Variants in DYSF observed in about 807,000 individuals in gnomAD.
DYSF encodes the protein dysferlin.
A neutral mutation model predicts 274.9 loss-of-function variants in DYSF; 212 were observed. That is an observed-to-expected ratio of 0.77 (90% confidence interval 0.69 to 0.86). The LOEUF is 0.86. Among genes scored for constraint, DYSF ranks in the 40% least tolerant of loss-of-function variants. DYSF has a pLI of 0.00. For missense variants in DYSF, 2,666 were observed against 2,783.2 expected (o/e 0.96, Z 0.95); for synonymous variants, 1,091 against 1,078.7 (o/e 1.01, Z -0.22).
At chr2:71,641,178 A>ATTTTTTTTTTT (rs10683765) in intron 41 of DYSF, among the ~76,000 whole-genome samples, 14 of 124,508 alleles carry the variant, frequency 1.1e-4, no homozygotes, top group African/African-American at 3.5e-4. Flanking sequence ...ATGTTTATCT[A>ATTTTTTTTTTT]TTTTTTTTTT....
chr2:71,525,571 G>C (rs573941857), intron 12 of DYSF, among the ~76,000 whole-genome samples: 100 of 152,274 alleles, frequency 6.6e-4, no homozygotes, highest in African/African-American at 2.3e-3. Context: ...CCCATTCAAG[G>C]GAGGGGTGCT....
chr2:71,550,546 T>A (rs1305309267), intron 17 of DYSF, among the ~76,000 whole-genome samples: 2 of 151,652 alleles, frequency 1.3e-5, no homozygotes, highest in Non-Finnish European at 2.9e-5. Flanking sequence ...TTTCTCTGGT[T>A]ACCGGGCTCT....
At chr2:71,511,167 A>G (rs1057207842) in intron 4 of DYSF, among the ~76,000 whole-genome samples, 1 of 152,114 alleles carries the variant, frequency 6.6e-6, no homozygotes, top group Non-Finnish European at 1.5e-5. Context: ...CCTGTGAGGG[A>G]TGTCACCAGT....
intron 45 of DYSF, among the ~76,000 whole-genome samples, chr2:71,662,246 C>T (rs562706081): frequency 3.3e-5 from 5 of 152,352 alleles, no homozygotes; most frequent in Non-Finnish European, 7.3e-5. Context: ...GCGTTACCTT[C>T]TCCTTTCCCC....
intron 17 of DYSF, among the ~76,000 whole-genome samples, chr2:71,547,434 G>A (rs1006507310): frequency 1.3e-5 from 2 of 152,198 alleles, no homozygotes; most frequent in Non-Finnish European, 2.9e-5. Context: ...GATCACCTGA[G>A]TTCAGGAGTT....
intron 36 of DYSF, among the ~76,000 whole-genome samples, chr2:71,609,195 T>G (rs1353546453): frequency 1.3e-5 from 2 of 152,134 alleles, no homozygotes; most frequent in Non-Finnish European, 2.9e-5. Flanking sequence ...AAGGGCACCT[T>G]TCATGTGGAC....
chr2:71,468,584 T>G (rs962333952), intron 1 of DYSF, among the ~76,000 whole-genome samples: 2 of 152,220 alleles, frequency 1.3e-5, no homozygotes, highest in African/African-American at 4.8e-5. Flanking sequence ...AATGCCTTAC[T>G]ATTTATTTGC....
upstream of DYSF, among the ~76,000 whole-genome samples, chr2:71,464,447 T>C (rs2081411667): frequency 6.6e-6 from 1 of 152,186 alleles, no homozygotes; most frequent in African/African-American, 2.4e-5. Context: ...AGTTGTGGTG[T>C]TCAGTTGTGT....
At chr2:71,610,395 T>C (rs2093729638) in intron 36 of DYSF, among the ~76,000 whole-genome samples, 1 of 152,242 alleles carries the variant, frequency 6.6e-6, no homozygotes, top group Non-Finnish European at 1.5e-5. Flanking sequence ...AAATAATTTA[T>C]TTAACGTCAT....
chr2:71,608,124 G>T (rs531507161), intron 36 of DYSF, among the ~76,000 whole-genome samples: 1 of 152,006 alleles, frequency 6.6e-6, no homozygotes, highest in Non-Finnish European at 1.5e-5. Flanking sequence ...GGGGACTCTG[G>T]AGACAAATTT....
At chr2:71,594,494 T>C (rs2093353436) in intron 32 of DYSF, among the ~76,000 whole-genome samples, 1 of 152,042 alleles carries the variant, frequency 6.6e-6, no homozygotes, top group East Asian at 1.9e-4. Flanking sequence ...ACTCATTAGC[T>C]CCCCAGAAAA....
At chr2:71,486,728 C>G (rs1447666318) in intron 3 of DYSF, among the ~76,000 whole-genome samples, 1 of 152,098 alleles carries the variant, frequency 6.6e-6, no homozygotes, top group African/African-American at 2.4e-5. Flanking sequence ...AGGGATGGAT[C>G]GACTTTATCT....
intron 12 of DYSF, among the ~76,000 whole-genome samples, chr2:71,521,491 A>C (rs2087268716): frequency 6.6e-6 from 1 of 152,222 alleles, no homozygotes; most frequent in South Asian, 2.1e-4. Context: ...CACTTGCCTC[A>C]TGGTGCTCAG....
intron 41 of DYSF, among the ~76,000 whole-genome samples, chr2:71,622,198 AG>A (rs1057229127): frequency 2.4e-4 from 34 of 139,072 alleles, no homozygotes; most frequent in African/African-American, 9.0e-4. Context: ...GTGTATTCCT[AG>A]GCATTTTATG....
chr2:71,474,981 A>G (rs1006358856), intron 1 of DYSF, among the ~76,000 whole-genome samples: 1 of 152,328 alleles, frequency 6.6e-6, no homozygotes, highest in Non-Finnish European at 1.5e-5. Flanking sequence ...AGGCCCCCTC[A>G]GAACCCTGTG....
intron 40 of DYSF, 22 bp downstream of exon 40, chr2:71,613,432 G>A: frequency 6.2e-7 from 1 of 1,602,836 alleles, no homozygotes; most frequent in Non-Finnish European, 8.5e-7. Context: ...ATCCTCCAGG[G>A]AGGCCTGGGT....
At chr2:71,626,343 TG>T (rs2094206342) in intron 41 of DYSF, among the ~76,000 whole-genome samples, 1 of 151,580 alleles carries the variant, frequency 6.6e-6, no homozygotes. Context: ...TTTTATTGAA[TG>T]TTTTTAAAGT....
intron 7 of DYSF, 54 bp from the exon 8 acceptor site, chr2:71,515,569 G>C: frequency 2.5e-6 from 4 of 1,613,480 alleles, no homozygotes; most frequent in Non-Finnish European, 3.4e-6. Flanking sequence ...TGGATGGTGG[G>C]TGGTCCTTAA....
intron 17 of DYSF, chr2:71,549,329 T>G: frequency 6.2e-7 from 1 of 1,611,358 alleles, no homozygotes; most frequent in Non-Finnish European, 8.5e-7. Flanking sequence ...CTAACCCCTT[T>G]TCCATTTCTT....
Sources: allele counts gnomAD v4.1 joint callset (sites outside exome capture counted in the v4.1 genomes callset), GRCh38; gene constraint gnomAD v4.1.1; transcripts MANE v1.5; gene names NCBI Gene and HGNC (gene_info 2026-07-23, HGNC 2026-07-21).